Variants in CNTNAP2 observed in about 807,000 individuals in gnomAD.
CNTNAP2 encodes the protein contactin associated protein 2.
Under a neutral mutation model 155.2 loss-of-function variants are expected in CNTNAP2, and 98 were observed. The ratio of observed to expected loss-of-function variants is 0.63; its 90% CI spans 0.54 to 0.75. The LOEUF (loss-of-function observed/expected upper bound fraction) is 0.75. CNTNAP2 is among the 30% of genes least tolerant of loss of function. CNTNAP2 has a pLI of 0.00. For missense variants in CNTNAP2, 1,727 were observed against 1,688.1 expected (o/e 1.02, Z -0.40); for synonymous variants, 651 against 631.2 (o/e 1.03, Z -0.47).
At chr7:148,348,908 G>C (rs1203642983) in intron 21 of CNTNAP2, among the ~76,000 whole-genome samples, 1 of 152,160 alleles carries the variant, frequency 6.6e-6, no homozygotes, top group Non-Finnish European at 1.5e-5. Context: ...CACATAAAAT[G>C]ATTGATAAAA....
At chr7:146,536,611 A>G (rs73741738) in intron 1 of CNTNAP2, among the ~76,000 whole-genome samples, 2,238 of 141,496 alleles carry the variant, frequency 0.016, 48 homozygotes, top group Middle Eastern at 0.08. Context: ...CACCATTTTT[A>G]AAGACTCATC....
chr7:146,720,617 T>G (rs2129176997), intron 1 of CNTNAP2, among the ~76,000 whole-genome samples: 1 of 152,150 alleles, frequency 6.6e-6, no homozygotes, highest in African/African-American at 2.4e-5. Context: ...TCAAAGGAAC[T>G]CCAAAATAAA....
chr7:147,655,392 G>A (rs1437723978), intron 13 of CNTNAP2, among the ~76,000 whole-genome samples: 1 of 152,160 alleles, frequency 6.6e-6, no homozygotes, highest in African/African-American at 2.4e-5. Context: ...CAAAGTGCTG[G>A]GATTACAGGC....
intron 14 of CNTNAP2, among the ~76,000 whole-genome samples, chr7:147,929,659 C>T (rs1161636053): frequency 6.6e-6 from 1 of 152,098 alleles, no homozygotes; most frequent in Non-Finnish European, 1.5e-5. Context: ...ATCCAAAATG[C>T]CTGTATTTTG....
At chr7:147,890,418 T>G (rs920194186) in intron 13 of CNTNAP2, among the ~76,000 whole-genome samples, 1 of 152,212 alleles carries the variant, frequency 6.6e-6, no homozygotes, top group Non-Finnish European at 1.5e-5. Flanking sequence ...ACGACCATTA[T>G]GAGAAACAGC....
chr7:146,345,614 G>T (rs1248571886), intron 1 of CNTNAP2, among the ~76,000 whole-genome samples: 1 of 152,076 alleles, frequency 6.6e-6, no homozygotes, highest in African/African-American at 2.4e-5. Flanking sequence ...TGATGACAAG[G>T]TCAGCATGAT....
chr7:147,869,140 T>G (rs62481196), intron 13 of CNTNAP2, among the ~76,000 whole-genome samples: 30,993 of 152,242 alleles, frequency 0.2, 3,229 homozygotes, highest in South Asian at 0.29. Context: ...TGCAGCCACT[T>G]TAGCAGTTCT....
intron 1 of CNTNAP2, among the ~76,000 whole-genome samples, chr7:146,759,723 T>TG (rs1402325870): frequency 3.6e-5 from 2 of 55,030 alleles, no homozygotes; most frequent in African/African-American, 6.6e-5. Context: ...GTGGGTGGGG[T>TG]GGGGTGGGGT....
intron 1 of CNTNAP2, among the ~76,000 whole-genome samples, chr7:146,619,667 C>T (rs1799285630): frequency 6.6e-6 from 1 of 152,110 alleles, no homozygotes. Context: ...CTTCTGACCT[C>T]AAGCGTGTGA....
At chr7:148,159,518 G>A (rs1805475183) in intron 17 of CNTNAP2, among the ~76,000 whole-genome samples, 1 of 152,092 alleles carries the variant, frequency 6.6e-6, no homozygotes, top group Non-Finnish European at 1.5e-5. Flanking sequence ...TCCATTATGT[G>A]TATTTACCAC....
chr7:147,180,458 C>A (rs1227415787), intron 8 of CNTNAP2, among the ~76,000 whole-genome samples: 2 of 151,902 alleles, frequency 1.3e-5, no homozygotes, highest in Middle Eastern at 3.2e-3. Context: ...CCTCTGCTGC[C>A]CCATTTCCAA....
intron 13 of CNTNAP2, among the ~76,000 whole-genome samples, chr7:147,893,618 G>T (rs1476111671): frequency 6.6e-6 from 1 of 152,116 alleles, no homozygotes; most frequent in Non-Finnish European, 1.5e-5. Flanking sequence ...CAGGACAGGG[G>T]ATCTATATTG....
chr7:147,425,384 T>A (rs1345935989), intron 10 of CNTNAP2, among the ~76,000 whole-genome samples: 1 of 152,168 alleles, frequency 6.6e-6, no homozygotes, highest in East Asian at 1.9e-4. Flanking sequence ...GCCTCTCTCA[T>A]TGTGGTAAAG....
intron 15 of CNTNAP2, among the ~76,000 whole-genome samples, chr7:148,000,881 G>T (rs574658324): frequency 2.0e-5 from 3 of 152,298 alleles, no homozygotes; most frequent in African/African-American, 7.2e-5. Flanking sequence ...CATCAGCAGG[G>T]CCACATCCCT....
chr7:146,990,618 CATA>C (rs1798192613), intron 3 of CNTNAP2, among the ~76,000 whole-genome samples: 1 of 151,988 alleles, frequency 6.6e-6, no homozygotes, highest in Non-Finnish European at 1.5e-5. Flanking sequence ...AAACCTTGTT[CATA>C]ATTAAACATT....
chr7:147,148,394 A>AG (rs2129288853), intron 8 of CNTNAP2, among the ~76,000 whole-genome samples: 1 of 150,116 alleles, frequency 6.7e-6, no homozygotes, highest in African/African-American at 2.5e-5. Context: ...CGTCTCAAAA[A>AG]AAAAAAAAAA....
chr7:146,946,103 T>TTTCCTTCCTTCCTTCCTTCTTTCC (rs1797167582), intron 3 of CNTNAP2, among the ~76,000 whole-genome samples: 1 of 147,494 alleles, frequency 6.8e-6, no homozygotes. Flanking sequence ...CCTTTCCTTC[T>TTTCCTTCCTTCCTTCCTTCTTTCC]TTCCTTCCTT....
intron 3 of CNTNAP2, among the ~76,000 whole-genome samples, chr7:147,020,366 G>A (rs534446752): frequency 6.6e-6 from 1 of 152,100 alleles, no homozygotes; most frequent in East Asian, 1.9e-4. Flanking sequence ...ACAATAGAAA[G>A]GCTACAGGGT....
At chr7:148,001,620 A>G (rs1801899454) in intron 15 of CNTNAP2, among the ~76,000 whole-genome samples, 1 of 152,244 alleles carries the variant, frequency 6.6e-6, no homozygotes, top group Non-Finnish European at 1.5e-5. Flanking sequence ...ACATGAGCAT[A>G]AATTGAGAGT....
Sources: allele counts gnomAD v4.1 joint callset (sites outside exome capture counted in the v4.1 genomes callset), GRCh38; gene constraint gnomAD v4.1.1; transcripts MANE v1.5; gene names NCBI Gene and HGNC (gene_info 2026-07-23, HGNC 2026-07-21).